The following DLG2 variants were observed in gnomAD, a reference collection of about 807,000 sequenced individuals.
DLG2 encodes discs large MAGUK scaffold protein 2, also known as disks large homolog 2.
In DLG2, 45 loss-of-function variants were observed where a neutral mutation model predicts 132.5. The observed-to-expected ratio is 0.34, with a 90% CI of 0.27 to 0.44. DLG2 has a LOEUF of 0.44. Ranked by LOEUF, DLG2 falls within the 20% of genes least tolerant of loss-of-function variation. The pLI is 1.00. For synonymous variants in DLG2, 424 were observed against 419.6 expected (o/e 1.01, Z -0.13); for missense variants, 1,045 against 1,196.9 (o/e 0.87, Z 1.87).
At chr11:83,899,908 G>C (rs2090372) in intron 15 of DLG2, among the ~76,000 whole-genome samples, 48,074 of 152,106 alleles carry the variant, frequency 0.32, 8,064 homozygotes, top group East Asian at 0.48. Flanking sequence ...AGGGAAATGT[G>C]GGAAAGTTTG....
At chr11:83,530,410 C>A (rs992522762) in intron 21 of DLG2, among the ~76,000 whole-genome samples, 15 of 148,758 alleles carry the variant, frequency 1.0e-4, no homozygotes, top group African/African-American at 3.7e-4. Flanking sequence ...GAAATTATAG[C>A]TTTTTTTTTT....
At chr11:85,054,213 C>A (rs1054279208) in intron 6 of DLG2, among the ~76,000 whole-genome samples, 1 of 150,540 alleles carries the variant, frequency 6.6e-6, no homozygotes, top group Non-Finnish European at 1.5e-5. Context: ...TGCAGTGAGC[C>A]GAGATCATAC....
chr11:83,727,152 A>G, intron 18 of DLG2, among the ~76,000 whole-genome samples: 1 of 152,352 alleles, frequency 6.6e-6, no homozygotes, highest in Admixed American at 6.5e-5. Context: ...GCTTATTTTC[A>G]TAGCCTCTAC....
intron 6 of DLG2, among the ~76,000 whole-genome samples, chr11:84,680,396 C>T (rs1325966415): frequency 2.6e-5 from 4 of 152,018 alleles, no homozygotes; most frequent in Non-Finnish European, 2.9e-5. Flanking sequence ...CAATTATTGC[C>T]CCTTGGACTA....
Position 84,650,723 on chromosome 11 carries a change from T to C in DLG2, c.358-115992A>G, listed in dbSNP as rs180971515. On this transcript the variant is annotated intron_variant, in intron 6 of 27. Coordinates refer to ENST00000376104, the MANE Select transcript of DLG2 (RefSeq NM_001142699.3). ...TTATGATGTTACTTTTTCAATAATATGCTTCAGAGGCTCTCCCAATAAGTA... is the reference window on the plus strand; with the variant it reads ...TTATGATGTTACTTTTTCAATAATACGCTTCAGAGGCTCTCCCAATAAGTA... Among the ~76,000 whole-genome samples, 556 of 152,036 alleles carry C rather than the reference T, an allele frequency of 3.7e-3. 1 individual carries two copies. The highest frequency in any genetic ancestry group is 5.0e-3 in the Non-Finnish European group (342 of 67,932).
intron 11 of DLG2, among the ~76,000 whole-genome samples, chr11:83,986,693 C>T (rs1189510428): frequency 6.6e-6 from 1 of 151,988 alleles, no homozygotes; most frequent in Non-Finnish European, 1.5e-5. Flanking sequence ...AAAAGTGTTC[C>T]TATTTCTCCA....
intron 4 of DLG2, among the ~76,000 whole-genome samples, chr11:85,167,011 T>G (rs1263293288): frequency 2.0e-5 from 3 of 152,190 alleles, no homozygotes; most frequent in African/African-American, 7.2e-5. Context: ...ATTACTTTTT[T>G]ATTTATTTAT....
At chr11:84,088,801 T>G (rs1360359282) in intron 10 of DLG2, among the ~76,000 whole-genome samples, 2 of 152,202 alleles carry the variant, frequency 1.3e-5, no homozygotes, top group Non-Finnish European at 2.9e-5. Flanking sequence ...CATTGAGATT[T>G]GCATCATACA....
intron 9 of DLG2, among the ~76,000 whole-genome samples, chr11:84,147,992 G>C (rs2095148667): frequency 6.6e-6 from 1 of 151,382 alleles, no homozygotes; most frequent in Non-Finnish European, 1.5e-5. Flanking sequence ...ATGCTATGAA[G>C]TAGATAGTAG....
At chr11:84,247,464 G>T (rs543519935) in intron 8 of DLG2, among the ~76,000 whole-genome samples, 2 of 152,130 alleles carry the variant, frequency 1.3e-5, no homozygotes, top group African/African-American at 2.4e-5. Flanking sequence ...AGAGAGTATT[G>T]AAGTGGAAAA....
chr11:83,559,200 C>T (rs911127267), intron 19 of DLG2, among the ~76,000 whole-genome samples: 2 of 152,028 alleles, frequency 1.3e-5, no homozygotes, highest in Middle Eastern at 3.2e-3. Context: ...AAAGAATGCA[C>T]TTGGTTTAGG....
chr11:83,780,794 G>A (rs941730246), intron 18 of DLG2, among the ~76,000 whole-genome samples: 7 of 152,264 alleles, frequency 4.6e-5, no homozygotes, highest in African/African-American at 1.7e-4. Context: ...TAAAACCACT[G>A]AGCCATGACC....
At chr11:84,338,538 T>C (rs1372668249) in intron 7 of DLG2, among the ~76,000 whole-genome samples, 1 of 152,142 alleles carries the variant, frequency 6.6e-6, no homozygotes, top group Non-Finnish European at 1.5e-5. Context: ...AAAGTGGTGA[T>C]ATTAGTCCGG....
intron 7 of DLG2, among the ~76,000 whole-genome samples, chr11:84,290,795 G>T (rs968703915): frequency 2.6e-5 from 4 of 152,086 alleles, no homozygotes; most frequent in African/African-American, 4.8e-5. Flanking sequence ...AGTAGAAATT[G>T]TTCTTTTGGT....
intron 3 of DLG2, among the ~76,000 whole-genome samples, chr11:85,427,319 A>G (rs1264785316): frequency 1.3e-5 from 2 of 152,166 alleles, no homozygotes; most frequent in Non-Finnish European, 2.9e-5. Context: ...CAAGACACAT[A>G]ATTGTCAGAT....
At chr11:85,347,191 G>A (rs1209386464) in intron 3 of DLG2, among the ~76,000 whole-genome samples, 1 of 152,076 alleles carries the variant, frequency 6.6e-6, no homozygotes, top group Non-Finnish European at 1.5e-5. Flanking sequence ...TGGGCATGCT[G>A]AGTGCTTTTG....
Position 83,823,431 on chromosome 11 carries a change from A to C in DLG2, c.1722+10183T>G, listed in dbSNP as rs149628788. 9.2e-3 allele frequency among the ~76,000 whole-genome samples: 1,399 copies of C among 152,286 alleles called. 26 individuals carry two copies. The highest frequency in any genetic ancestry group is 0.032 in the African/African-American group (1,338 of 41,524). ...GCATTTAATATGTAATAGAATAGTT[A>C]ATTAACATTTTTCTGATCTATAGGA... On this transcript the variant is annotated intron_variant, in intron 17 of 27. Coordinates refer to ENST00000376104, the MANE Select transcript of DLG2 (RefSeq NM_001142699.3).
At chr11:84,780,376 C>A (rs996975690) in intron 6 of DLG2, among the ~76,000 whole-genome samples, 2 of 151,882 alleles carry the variant, frequency 1.3e-5, no homozygotes, top group South Asian at 2.1e-4. Flanking sequence ...AAGCAACATA[C>A]CTCAAAAAAA....
At chr11:85,294,201 T>C (rs1156612617) in intron 3 of DLG2, among the ~76,000 whole-genome samples, 2 of 151,944 alleles carry the variant, frequency 1.3e-5, no homozygotes, top group Non-Finnish European at 2.9e-5. Context: ...ATGTAAACAA[T>C]TGGTGAATCT....
Sources: gnomAD v4.1 joint callset for allele counts (sites outside exome capture counted in the v4.1 genomes callset) on GRCh38, gnomAD v4.1.1 for gene constraint, MANE v1.5 for transcripts, NCBI Gene and HGNC (gene_info 2026-07-23, HGNC 2026-07-21) for gene names.